Variants in KSR2 observed in about 807,000 individuals in gnomAD.
KSR2 encodes the protein kinase suppressor of ras 2.
A neutral mutation model predicts 107.8 loss-of-function variants in KSR2; 25 were observed. That is an observed-to-expected ratio of 0.23 (90% CI 0.17 to 0.32). KSR2 has a LOEUF of 0.32. KSR2 is among the 10% of genes least tolerant of loss of function. The pLI, the probability that KSR2 is intolerant of heterozygous loss-of-function variation, is 1.00. For missense variants in KSR2, 887 were observed against 1,268.9 expected (o/e 0.70, Z 4.57); for synonymous variants, 480 against 507.0 (o/e 0.95, Z 0.71).
chr12:117,671,052 C>G (rs1884885696), intron 4 of KSR2, among the ~76,000 whole-genome samples: 1 of 152,192 alleles, frequency 6.6e-6, no homozygotes, highest in African/African-American at 2.4e-5. Flanking sequence ...TATCTACCCA[C>G]ACACACACCT....
At chr12:117,494,870 T>C (rs1261740344) in intron 14 of KSR2, among the ~76,000 whole-genome samples, 1 of 152,146 alleles carries the variant, frequency 6.6e-6, no homozygotes, top group East Asian at 1.9e-4. Context: ...CATGTGGAAA[T>C]CTGGGGAGAG....
At chr12:117,952,155 TCACA>T (rs112314585) in intron 1 of KSR2, among the ~76,000 whole-genome samples, 1,952 of 147,398 alleles carry the variant, frequency 0.013, 24 homozygotes, top group Middle Eastern at 0.087. Context: ...AATGTTCTCA[TCACA>T]CACACACACA....
At chr12:117,666,165 G>C (rs147240423) in intron 5 of KSR2, among the ~76,000 whole-genome samples, 35 of 152,248 alleles carry the variant, frequency 2.3e-4, no homozygotes, top group Middle Eastern at 3.4e-3. Context: ...TGTCCACATG[G>C]TTCATCAGTC....
intron 5 of KSR2, among the ~76,000 whole-genome samples, chr12:117,656,995 T>TATATAATAGGATATATATATATAATAGG (rs1884206882): frequency 8.2e-6 from 1 of 122,168 alleles, no homozygotes; most frequent in Non-Finnish European, 1.7e-5. Context: ...TATATATATA[T>TATATAATAGGATATATATATATAATAGG]ATATATATAT....
intron 5 of KSR2, among the ~76,000 whole-genome samples, chr12:117,660,697 G>A (rs2136463584): frequency 6.6e-6 from 1 of 152,214 alleles, no homozygotes; most frequent in East Asian, 1.9e-4. Context: ...ATTAAACAGG[G>A]GTGGAAATGA....
At chr12:117,916,129 C>G (rs1039912600) in intron 1 of KSR2, among the ~76,000 whole-genome samples, 81 of 134,486 alleles carry the variant, frequency 6.0e-4, no homozygotes, top group African/African-American at 1.9e-3. Flanking sequence ...GTTTTTATTT[C>G]TTCTTCTTTT....
At chr12:117,963,602 C>CAA (rs149837779) in intron 1 of KSR2, among the ~76,000 whole-genome samples, 9 of 151,304 alleles carry the variant, frequency 5.9e-5, no homozygotes, top group East Asian at 1.9e-4. Flanking sequence ...GACCCTGCCT[C>CAA]AAAAAAAACA....
At chr12:117,512,019 G>A (rs1213104014) in intron 14 of KSR2, among the ~76,000 whole-genome samples, 1 of 152,144 alleles carries the variant, frequency 6.6e-6, no homozygotes, top group Non-Finnish European at 1.5e-5. Context: ...AGAGGGTGAA[G>A]AGCTCCACTC....
intron 5 of KSR2, among the ~76,000 whole-genome samples, chr12:117,627,858 C>T (rs143025774): frequency 0.025 from 3,858 of 151,752 alleles, 57 homozygotes; most frequent in Non-Finnish European, 0.038. Context: ...TAGATTTGGT[C>T]TATTCACATA....
chr12:117,616,304 T>C (rs77643660), intron 5 of KSR2, among the ~76,000 whole-genome samples: 375 of 152,286 alleles, frequency 2.5e-3, no homozygotes, highest in African/African-American at 8.5e-3. Context: ...AAAGTCACTA[T>C]AAGTAGCTGT....
intron 7 of KSR2, among the ~76,000 whole-genome samples, chr12:117,568,929 G>A (rs920000013): frequency 2.0e-5 from 3 of 152,108 alleles, no homozygotes; most frequent in African/African-American, 7.2e-5. Context: ...ATTCAAGCTG[G>A]TGATCTCTGA....
chr12:117,825,753 G>A lies in KSR2; in HGVS notation c.472+29675C>T, dbSNP rs1004986704. On this transcript the variant is annotated intron_variant, in intron 3 of 19. Transcript: ENST00000339824. ...ATTTCTAAATCTCTAGCACTCAGCAGAGTGCCTGGGATATAGAAGGGGCTC... is the reference window on the plus strand; with the variant it reads ...ATTTCTAAATCTCTAGCACTCAGCAAAGTGCCTGGGATATAGAAGGGGCTC... Among the ~76,000 whole-genome samples, 5 of 152,240 alleles carry A rather than the reference G, an allele frequency of 3.3e-5. No homozygotes were observed. In the South Asian group the frequency reaches 8.3e-4, roughly 25 times the overall value.
intron 10 of KSR2, among the ~76,000 whole-genome samples, chr12:117,534,884 T>C (rs1157978708): frequency 2.0e-5 from 3 of 152,148 alleles, no homozygotes; most frequent in Admixed American, 2.0e-4. Context: ...AGCCCCTAGA[T>C]GCTGGCAAAA....
Position 117,725,503 on chromosome 12 carries a change from T to C in KSR2, c.986+35508A>G, listed in dbSNP as rs1488859519. Among the ~76,000 whole-genome samples the C allele has an allele frequency of 5.3e-5, 8 of 152,320 alleles. No individual in the cohort carries two copies. In the South Asian group the frequency reaches 1.7e-3, roughly 32 times the overall value. ...TCTTATGGAAAATAAGGAGCTTCCA[T>C]CCTTACTTTACATCATATGCAAAAA... is the stretch of plus-strand genomic sequence containing the variant. On this transcript the variant is annotated intron_variant, in intron 4 of 19. Coordinates refer to ENST00000339824, the MANE Select transcript of KSR2 (RefSeq NM_173598.6).
At chr12:117,772,328 TCACA>T (rs1889515129) in intron 3 of KSR2, among the ~76,000 whole-genome samples, 2 of 40,130 alleles carry the variant, frequency 5.0e-5, no homozygotes, top group Non-Finnish European at 9.7e-5. Flanking sequence ...AAACACACAC[TCACA>T]CATACACACC....
intron 3 of KSR2, among the ~76,000 whole-genome samples, chr12:117,764,079 C>T (rs1350555267): frequency 1.3e-5 from 2 of 152,110 alleles, no homozygotes; most frequent in Admixed American, 1.3e-4. Context: ...TGAACACTGA[C>T]TCACTGTCCC....
chr12:117,824,577 C>T (rs78382040), intron 3 of KSR2, among the ~76,000 whole-genome samples: 2,090 of 152,172 alleles, frequency 0.014, 49 homozygotes, highest in African/African-American at 0.048. Flanking sequence ...AAATTTTAGG[C>T]CGGGCGCGGT....
chr12:117,494,636 A>G (rs1872924405), intron 14 of KSR2, among the ~76,000 whole-genome samples: 1 of 152,184 alleles, frequency 6.6e-6, no homozygotes. Context: ...TGTATGCACG[A>G]CAGACCTAGT....
chr12:117,866,560 T>C (rs1021489968), intron 1 of KSR2, among the ~76,000 whole-genome samples: 4 of 152,328 alleles, frequency 2.6e-5, no homozygotes, highest in Non-Finnish European at 2.9e-5. Flanking sequence ...CCGGACACAG[T>C]GGCTCACGCC....
Sources: allele counts gnomAD v4.1 joint callset (sites outside exome capture counted in the v4.1 genomes callset), GRCh38; gene constraint gnomAD v4.1.1; transcripts MANE v1.5; gene names NCBI Gene and HGNC (gene_info 2026-07-23, HGNC 2026-07-21).